VGLL4: variants seen among roughly 807,000 people sequenced by gnomAD.
VGLL4 encodes vestigial like family member 4.
In VGLL4, 7 loss-of-function variants were observed where a neutral mutation model predicts 21.0. The ratio of observed to expected loss-of-function variants is 0.33; its 90% CI spans 0.19 to 0.63. The LOEUF is 0.63. Among genes scored for constraint, VGLL4 ranks in the 20% least tolerant of loss-of-function variants. The probability of loss-of-function intolerance (pLI) is 0.78; values close to 1 mark genes in which losing one functional copy is unlikely to be tolerated. For synonymous variants in VGLL4, 222 were observed against 173.2 expected (o/e 1.28, Z -2.21); for missense variants, 394 against 425.7 (o/e 0.93, Z 0.66).
At chr3:11,579,617 T>G (rs996768606) in intron 2 of VGLL4, among the ~76,000 whole-genome samples, 5 of 152,142 alleles carry the variant, frequency 3.3e-5, no homozygotes, top group Non-Finnish European at 7.4e-5. Context: ...AATCATTCCA[T>G]TCAACACTGA....
chr3:11,682,917 G>C lies in VGLL4; in HGVS notation c.64+20054C>G, dbSNP rs187424014. 2.0e-5 allele frequency among the ~76,000 whole-genome samples: 3 copies of C among 152,168 alleles called. No homozygotes were observed. The East Asian group carries it at 5.8e-4, about 30-fold the overall frequency. On this transcript the variant is annotated intron_variant, in intron 2 of 5. Coordinates refer to the VGLL4 transcript ENST00000273038. ...CTTCAAAGGGAAGCAGAGGTTTCCTGCAAGTGGGGCAAATTAAACTACACG... is the reference window on the plus strand; with the variant it reads ...CTTCAAAGGGAAGCAGAGGTTTCCTCCAAGTGGGGCAAATTAAACTACACG...
chr3:11,661,118 A>G (rs959408693), intron 2 of VGLL4, among the ~76,000 whole-genome samples: 1 of 152,152 alleles, frequency 6.6e-6, no homozygotes, highest in Non-Finnish European at 1.5e-5. Flanking sequence ...TGTCCTAGAG[A>G]GAAGAAATGC....
rs1305662230 is a variant in VGLL4, at chr3:11,604,445, G to C, written c.83-2423C>G. 3.1e-6 allele frequency: 3 copies of C among 957,358 alleles called. 1 individual carries two copies. The highest frequency in any genetic ancestry group is 3.7e-6 in the Non-Finnish European group (3 of 810,464). 59.3% of individuals were successfully genotyped at this position (957,358 alleles called of 1,614,324 possible). Reference sequence around the variant, plus strand: ...GGCTTACAGCAAAGGAAAAGAATCCGCACATAAGGTCAGGGACAGGTCCGT... The same window carrying C: ...GGCTTACAGCAAAGGAAAAGAATCCCCACATAAGGTCAGGGACAGGTCCGT... On this transcript the variant is annotated intron_variant, in intron 1 of 4. Transcript: ENST00000430365.
chr3:11,702,965 A>T, intron 2 of VGLL4: 1 of 1,610,510 alleles, frequency 6.2e-7, no homozygotes, highest in Non-Finnish European at 8.5e-7. Context: ...TAGACTCCTC[A>T]CTTACGTTTT....
intron 1 of VGLL4, among the ~76,000 whole-genome samples, chr3:11,604,124 C>T (rs1335661490): frequency 6.6e-6 from 1 of 152,334 alleles, no homozygotes; most frequent in South Asian, 2.1e-4. Flanking sequence ...GCTGGGGCTA[C>T]AGGCCCCATG....
chr3:11,595,007 CA>C (rs2074599883), intron 2 of VGLL4, among the ~76,000 whole-genome samples: 2 of 152,064 alleles, frequency 1.3e-5, no homozygotes, highest in Non-Finnish European at 2.9e-5. Flanking sequence ...ACTAAAAATA[CA>C]AAATTAGCCG....
chr3:11,684,974 C>T (rs1226412164), intron 2 of VGLL4, among the ~76,000 whole-genome samples: 1 of 152,094 alleles, frequency 6.6e-6, no homozygotes, highest in Non-Finnish European at 1.5e-5. Context: ...CTGATCCTCT[C>T]CCTCCACCTG....
At chr3:11,560,415 G>T (rs2072878057) in intron 3 of VGLL4, among the ~76,000 whole-genome samples, 1 of 152,210 alleles carries the variant, frequency 6.6e-6, no homozygotes, top group African/African-American at 2.4e-5. Flanking sequence ...GGAGCTGGTT[G>T]AAATCACCCC....
intron 1 of VGLL4, among the ~76,000 whole-genome samples, chr3:11,715,669 A>C (rs2076910252): frequency 1.3e-5 from 2 of 152,082 alleles, no homozygotes; most frequent in Non-Finnish European, 2.9e-5. Context: ...TGTTCTGTAA[A>C]ATCTCTGTGA....
At chr3:11,654,582 G>A (rs78826292) in intron 2 of VGLL4, among the ~76,000 whole-genome samples, 1,853 of 152,278 alleles carry the variant, frequency 0.012, 47 homozygotes, top group African/African-American at 0.043. Context: ...ATAAAACGAG[G>A]TATGAGAAAA....
At chr3:11,706,496 A>G (rs2076763023) in intron 1 of VGLL4, among the ~76,000 whole-genome samples, 2 of 152,230 alleles carry the variant, frequency 1.3e-5, no homozygotes, top group Non-Finnish European at 2.9e-5. Context: ...CAAAGACTAA[A>G]TATTATTTAA....
chr3:11,659,800 T>C (rs1005911200), intron 2 of VGLL4, among the ~76,000 whole-genome samples: 1 of 152,234 alleles, frequency 6.6e-6, no homozygotes, highest in Admixed American at 6.5e-5. Context: ...GATTATTGCA[T>C]GAGCAGATTA....
At chr3:11,665,731 G>A (rs986496738) in intron 2 of VGLL4, among the ~76,000 whole-genome samples, 1 of 152,242 alleles carries the variant, frequency 6.6e-6, no homozygotes, top group African/African-American at 2.4e-5. Flanking sequence ...CAGGTGCCAG[G>A]CACTGTGCTA....
At chr3:11,718,968 T>A (rs916707129) in intron 1 of VGLL4, among the ~76,000 whole-genome samples, 2 of 152,190 alleles carry the variant, frequency 1.3e-5, no homozygotes, top group South Asian at 4.1e-4. Flanking sequence ...CTTCATAACC[T>A]AAGACAGTTA....
upstream of VGLL4, among the ~76,000 whole-genome samples, chr3:11,645,307 T>C (rs2075772099): frequency 2.0e-5 from 3 of 151,728 alleles, no homozygotes; most frequent in Admixed American, 6.6e-5. Context: ...AATCCAGCAA[T>C]AGGCCAGGCG....
chr3:11,617,384 C>T (rs1016419992), intron 1 of VGLL4, among the ~76,000 whole-genome samples: 3 of 152,132 alleles, frequency 2.0e-5, no homozygotes, highest in African/African-American at 4.8e-5. Flanking sequence ...TGAGACCTGA[C>T]GAGGCGGGTC....
At chr3:11,566,328 T>G (rs1300652698) in intron 2 of VGLL4, among the ~76,000 whole-genome samples, 1 of 152,214 alleles carries the variant, frequency 6.6e-6, no homozygotes, top group Admixed American at 6.5e-5. Flanking sequence ...ACCCTTTACC[T>G]TGACTCCCGC....
intron 1 of VGLL4, among the ~76,000 whole-genome samples, chr3:11,641,756 G>A (rs1440135846): frequency 6.6e-6 from 1 of 152,004 alleles, no homozygotes; most frequent in Non-Finnish European, 1.5e-5. Flanking sequence ...CCCAAATACC[G>A]AGAGAGAAGA....
intron 1 of VGLL4, among the ~76,000 whole-genome samples, chr3:11,713,781 T>G (rs1259606441): frequency 4.6e-5 from 7 of 151,696 alleles, no homozygotes; most frequent in Admixed American, 4.6e-4. Context: ...CAGGAACAGG[T>G]AACCTTAGGT....
Sources: allele counts gnomAD v4.1 joint callset (sites outside exome capture counted in the v4.1 genomes callset), GRCh38; gene constraint gnomAD v4.1.1; transcripts MANE v1.5; gene names NCBI Gene and HGNC (gene_info 2026-07-23, HGNC 2026-07-21).